The following NEDD4L variants were observed in gnomAD, a reference collection of about 807,000 sequenced individuals.
NEDD4L encodes NEDD4 like E3 ubiquitin protein ligase, also known as E3 ubiquitin-protein ligase NEDD4-like.
In NEDD4L, 54 loss-of-function variants were observed where a neutral mutation model predicts 148.9. That is an observed-to-expected ratio of 0.36 (90% CI 0.29 to 0.45). The LOEUF is 0.45. Ranked by LOEUF, NEDD4L falls within the 20% of genes least tolerant of loss-of-function variation. The probability of loss-of-function intolerance (pLI) is 1.00; values close to 1 mark genes in which losing one functional copy is unlikely to be tolerated. For synonymous variants in NEDD4L, 433 were observed against 440.7 expected (o/e 0.98, Z 0.22); for missense variants, 856 against 1,233.8 (o/e 0.69, Z 4.59).
chr18:58,237,937 G>T (rs2046218621), intron 2 of NEDD4L, among the ~76,000 whole-genome samples: 1 of 152,198 alleles, frequency 6.6e-6, no homozygotes, highest in African/African-American at 2.4e-5. Flanking sequence ...TGGCTGGGAA[G>T]GTTTTAGAAT....
At chr18:58,069,090 C>T (rs1599047133) in intron 1 of NEDD4L, among the ~76,000 whole-genome samples, 1 of 143,398 alleles carries the variant, frequency 7.0e-6, no homozygotes, top group South Asian at 2.2e-4. Context: ...GAGCCAAGAT[C>T]GTACCCCTGT....
chr18:58,300,055 T>C (rs2056253389), intron 5 of NEDD4L, among the ~76,000 whole-genome samples: 1 of 152,148 alleles, frequency 6.6e-6, no homozygotes, highest in South Asian at 2.1e-4. Context: ...ACTGTACATA[T>C]TGTCATGGGT....
chr18:58,276,694 A>ATTATTAT (rs367992185), intron 5 of NEDD4L, among the ~76,000 whole-genome samples: 24,986 of 97,482 alleles, frequency 0.26, 2,289 homozygotes, highest in Middle Eastern at 0.31. Flanking sequence ...AATAATAATA[A>ATTATTAT]TATTATTATT....
rs899359773 is a variant in NEDD4L at position 58,370,381 on chromosome 18, G to A, written c.2186-16G>A. 1.3e-6 allele frequency: 2 copies of A among 1,559,246 alleles called. No homozygotes were observed. Among genetic ancestry groups the A allele is most frequent in the Non-Finnish European group, 1.8e-6 (2 of 1,130,094 alleles). On this transcript the variant is annotated splice_polypyrimidine_tract_variant and intron_variant, in intron 22 of 30. Coordinates refer to ENST00000400345, the MANE Select transcript of NEDD4L (RefSeq NM_001144967.3). The stretch of plus-strand genomic sequence containing the variant: ...TCAAAGACCTGAAACTAAACCCAGT[G>A]TTTACCGTGTTTTAGGTTTCTTCAT...
At chr18:58,197,542 C>T (rs749837239) in intron 2 of NEDD4L, among the ~76,000 whole-genome samples, 7 of 152,152 alleles carry the variant, frequency 4.6e-5, no homozygotes, top group Non-Finnish European at 1.0e-4. Flanking sequence ...TTTCAACTTG[C>T]GAACTCTCAC....
intron 1 of NEDD4L, among the ~76,000 whole-genome samples, chr18:58,058,799 C>T (rs2082199248): frequency 6.6e-6 from 1 of 152,182 alleles, no homozygotes; most frequent in Admixed American, 6.5e-5. Flanking sequence ...CTCAATAGCA[C>T]CTTTCTGCAT....
chr18:58,050,424 C>T (rs1253208064), intron 1 of NEDD4L, among the ~76,000 whole-genome samples: 3 of 151,800 alleles, frequency 2.0e-5, no homozygotes, highest in South Asian at 4.2e-4. Context: ...GAGCCGAGAT[C>T]GCACCACTGC....
Position 58,256,882 on chromosome 18 carries a change from T to G in NEDD4L, c.297+4828T>G. Reference sequence around the variant, plus strand: ...CCTCTGTTCCGGGAGTTTCCCTGCTTCAGGCCAGTGGATCTGAATGTTTGG... The same window carrying G: ...CCTCTGTTCCGGGAGTTTCCCTGCTGCAGGCCAGTGGATCTGAATGTTTGG... On this transcript the variant is annotated intron_variant, in intron 5 of 30. Transcript: ENST00000400345. The surrounding 1 kb of genome is among the most constrained non-coding windows in gnomAD (Gnocchi z 5.2). The G allele has an allele frequency of 2.0e-6, 2 of 1,008,358 alleles. No homozygotes were observed. Among genetic ancestry groups the G allele is most frequent in the Non-Finnish European group, 2.5e-6 (2 of 784,506 alleles). The allele number at this position is 1,008,358 out of a possible 1,614,324, so 62.5% of individuals were successfully genotyped here.
intron 1 of NEDD4L, among the ~76,000 whole-genome samples, chr18:58,139,722 G>A (rs1284831829): frequency 6.6e-6 from 1 of 152,160 alleles, no homozygotes; most frequent in Non-Finnish European, 1.5e-5. Flanking sequence ...AGGCAGCTGT[G>A]CCTGAGGAGC....
intron 1 of NEDD4L, among the ~76,000 whole-genome samples, chr18:58,103,124 T>A (rs2084864932): frequency 6.6e-6 from 1 of 151,796 alleles, no homozygotes; most frequent in Non-Finnish European, 1.5e-5. Context: ...GACTGACCTT[T>A]GTCTATTTGT....
In NEDD4L at chr18:58,383,663, A is replaced by C. The variant is rs536391903; in HGVS notation, c.2426+344A>C. On this transcript the variant is annotated intron_variant, in intron 25 of 30. Coordinates refer to ENST00000400345, the MANE Select transcript of NEDD4L (RefSeq NM_001144967.3). ...CACGGTGTCAGTGACCAGCAGGGCA[A>C]AATTAGGAACCAACAAAGAAAAAAT... Among the ~76,000 whole-genome samples the C allele has an allele frequency of 7.2e-5, 11 of 152,368 alleles. No homozygotes were observed. The South Asian group carries it at 1.4e-3, about 20-fold the overall frequency.
intron 1 of NEDD4L, among the ~76,000 whole-genome samples, chr18:58,161,945 A>T (rs1386013084): frequency 6.6e-6 from 1 of 152,160 alleles, no homozygotes; most frequent in Non-Finnish European, 1.5e-5. Context: ...AAATGTAGTC[A>T]AGTTGCATGT....
Position 58,366,060 on chromosome 18 carries a change from A to G in NEDD4L, c.1895A>G (p.Tyr632Cys). The change falls in exon 21 of 31, where the codon TAT becomes TGT. Residue 632 changes from tyrosine to cysteine, a missense_variant. This residue lies in a region of NEDD4L where 286 missense variants were observed against 531.8 expected (regional missense o/e 0.54). Transcript: ENST00000400345. The surrounding 1 kb of genome is among the most constrained non-coding windows in gnomAD (Gnocchi z 4.2). ...LHRNNIFEES[Y>C]RRIMSVKRPD... ...AGAAATAACATATTTGAAGAGTCCT[A>G]TCGGAGAATTATGTCCGTGAAAAGA... The G allele has an allele frequency of 1.2e-6, 2 of 1,613,460 alleles. No individual in the cohort carries two copies. The highest frequency in any genetic ancestry group is 1.7e-6 in the Non-Finnish European group (2 of 1,179,664).
At chr18:58,239,344 A>T (rs1405853379) in intron 2 of NEDD4L, among the ~76,000 whole-genome samples, 1 of 152,182 alleles carries the variant, frequency 6.6e-6, no homozygotes, top group Non-Finnish European at 1.5e-5. Context: ...CACTTGAAAA[A>T]TGAAGACCTT....
At chr18:58,100,874 A>G (rs2084709931) in intron 1 of NEDD4L, among the ~76,000 whole-genome samples, 1 of 152,168 alleles carries the variant, frequency 6.6e-6, no homozygotes, top group African/African-American at 2.4e-5. Context: ...TGGTGCGAAT[A>G]TGGCTCACTG....
intron 13 of NEDD4L, among the ~76,000 whole-genome samples, chr18:58,337,755 C>T (rs577328927): frequency 4.6e-5 from 7 of 152,186 alleles, no homozygotes; most frequent in Non-Finnish European, 1.0e-4. Flanking sequence ...CTTTCAACTC[C>T]ATACGCTGTG....
At chr18:58,103,922 T>G (rs1222798677) in intron 1 of NEDD4L, among the ~76,000 whole-genome samples, 1 of 152,206 alleles carries the variant, frequency 6.6e-6, no homozygotes, top group Non-Finnish European at 1.5e-5. Context: ...AATTTCACAT[T>G]AAAGGATCTC....
chr18:58,060,414 A>T (rs924609809), intron 1 of NEDD4L, among the ~76,000 whole-genome samples: 1 of 152,092 alleles, frequency 6.6e-6, no homozygotes, highest in African/African-American at 2.4e-5. Flanking sequence ...GGGCCCGGCA[A>T]TCTGGGCTTT....
chr18:58,109,084 A>C (rs1394282398), intron 1 of NEDD4L, among the ~76,000 whole-genome samples: 1 of 152,266 alleles, frequency 6.6e-6, no homozygotes, highest in East Asian at 1.9e-4. Flanking sequence ...ATATAGCAAG[A>C]AAATTTGGAT....
Sources: allele counts gnomAD v4.1 joint callset (sites outside exome capture counted in the v4.1 genomes callset), GRCh38; gene constraint gnomAD v4.1.1; regional missense constraint gnomAD v4.1.1; non-coding constraint Gnocchi (gnomAD v3.1); transcripts MANE v1.5; gene names NCBI Gene and HGNC (gene_info 2026-07-23, HGNC 2026-07-21).